EXTL3: variants seen among roughly 807,000 people sequenced by gnomAD.
EXTL3 encodes exostosin-like 3.
A neutral mutation model predicts 69.3 loss-of-function variants in EXTL3; 27 were observed. That is an observed-to-expected ratio of 0.39 (90% CI 0.29 to 0.54). The LOEUF is 0.54. Ranked by LOEUF, EXTL3 falls within the 20% of genes least tolerant of loss-of-function variation. EXTL3 has a pLI of 0.69. For missense variants in EXTL3, 1,003 were observed against 1,231.8 expected (o/e 0.81, Z 2.78); for synonymous variants, 511 against 499.4 (o/e 1.02, Z -0.31).
chr8:28,674,660 G>A (rs1387265223), intron 1 of EXTL3, among the ~76,000 whole-genome samples: 1 of 152,230 alleles, frequency 6.6e-6, no homozygotes, highest in Non-Finnish European at 1.5e-5. Context: ...TGCAGTTAAA[G>A]TGAGAGCATT....
chr8:28,688,775 A>G (rs1800566873), intron 1 of EXTL3, among the ~76,000 whole-genome samples: 1 of 152,244 alleles, frequency 6.6e-6, no homozygotes. Flanking sequence ...TATGTAGCAA[A>G]GAGAATAACT....
rs1325720588 is a variant in EXTL3 at position 28,636,749 on chromosome 8, G to A, written c.-53+13939G>A. Among the ~76,000 whole-genome samples the A allele has an allele frequency of 2.6e-5, 4 of 152,120 alleles. No individual in the cohort carries two copies. In the East Asian group the frequency reaches 5.8e-4, roughly 22 times the overall value. ...AGCAGGTTGGCGCGTGGTGGCTTAC[G>A]CCTGTAACCCCAGCACTTTGGGAGG... is the stretch of plus-strand genomic sequence containing the variant. On this transcript the variant is annotated intron_variant, in intron 1 of 6. Coordinates refer to the EXTL3 transcript ENST00000523149.
intron 1 of EXTL3, among the ~76,000 whole-genome samples, chr8:28,694,342 T>C (rs1368475316): frequency 6.6e-6 from 1 of 152,234 alleles, no homozygotes; most frequent in Admixed American, 6.5e-5. Flanking sequence ...ATAATTCCCT[T>C]GTGAAAGAAA....
rs562535571 is a variant in EXTL3, at chr8:28,612,471, AAAAAAAG to A, written n.314+4727_314+4733del. Among the ~76,000 whole-genome samples, 660 of 151,884 alleles carry A rather than the reference AAAAAAAG, an allele frequency of 4.3e-3. 4 individuals carry two copies. Among genetic ancestry groups the A allele is most frequent in the African/African-American group, 9.1e-3 (379 of 41,466 alleles). On this transcript the variant is annotated intron_variant and non_coding_transcript_variant, in intron 2 of 4. Transcript: ENST00000522725. ...AGCGAGACTCCATCTCTTAAAAAAA[AAAAAAAG>A]AAAAAAGAAAAAAAGAAAAATAAAA...
At chr8:28,640,982 C>A (rs1007431791) in intron 1 of EXTL3, among the ~76,000 whole-genome samples, 5 of 152,106 alleles carry the variant, frequency 3.3e-5, no homozygotes, top group African/African-American at 1.2e-4. Context: ...CTTATAGCCT[C>A]ACGTTTTACT....
chr8:28,666,839 C>T (rs924973522), intron 1 of EXTL3, among the ~76,000 whole-genome samples: 23 of 152,038 alleles, frequency 1.5e-4, no homozygotes, highest in Non-Finnish European at 2.2e-4. Context: ...CCTCTCAGAG[C>T]GCTGGGATTA....
upstream of EXTL3, among the ~76,000 whole-genome samples, chr8:28,621,273 C>G (rs2130542256): frequency 6.6e-6 from 1 of 152,236 alleles, no homozygotes; most frequent in East Asian, 1.9e-4. Context: ...GGCCCCAAAT[C>G]TAATATGACT....
At chr8:28,611,790 T>C (rs1255143982) in intron 2 of EXTL3, among the ~76,000 whole-genome samples, 1 of 152,180 alleles carries the variant, frequency 6.6e-6, no homozygotes, top group Non-Finnish European at 1.5e-5. Context: ...TTCTAAATCA[T>C]TGTGCTTTGA....
At chr8:28,616,803 G>T (rs1375893611) in intron 2 of EXTL3, among the ~76,000 whole-genome samples, 1 of 152,194 alleles carries the variant, frequency 6.6e-6, no homozygotes, top group Admixed American at 6.5e-5. Flanking sequence ...GAAACAGCTG[G>T]TGACACAGCA....
intron 1 of EXTL3, among the ~76,000 whole-genome samples, chr8:28,705,107 AAGG>A (rs1379142194): frequency 1.3e-5 from 2 of 152,184 alleles, no homozygotes. Context: ...GTGAAACGAG[AAGG>A]AGGTCTTGGG....
chr8:28,618,169 T>TA (rs1378787304), upstream of EXTL3, among the ~76,000 whole-genome samples: 1 of 151,806 alleles, frequency 6.6e-6, no homozygotes, highest in Non-Finnish European at 1.5e-5. Context: ...TTTACCATAA[T>TA]AAAAAAGACA....
intron 1 of EXTL3, among the ~76,000 whole-genome samples, chr8:28,655,573 T>A (rs764324131): frequency 6.6e-6 from 1 of 151,424 alleles, no homozygotes; most frequent in Non-Finnish European, 1.5e-5. Context: ...TCACTGCATC[T>A]TTGACCTCCC....
intron 5 of EXTL3, chr8:28,741,434 A>ATTTAT (rs1801777913): frequency 6.6e-6 from 1 of 152,036 alleles, no homozygotes; most frequent in Non-Finnish European, 1.5e-5. Context: ...TAAAAAGTGT[A>ATTTAT]TTTATTTTAT....
At position 28,717,577 on chromosome 8, in the gene EXTL3, G is replaced by A. The variant is rs943257939; in HGVS notation, c.1518G>A (p.Leu506=). 2.5e-6 allele frequency: 4 copies of A among 1,614,262 alleles called. No individual in the cohort carries two copies. Among genetic ancestry groups the A allele is most frequent in the Non-Finnish European group, 3.4e-6 (4 of 1,180,046 alleles). Reference sequence around the variant, plus strand: ...GAAGCCTCTCCGATAGTGACCTCCTGGCTATGAGGCGGCAAGGCCGCTTTC... The same window carrying A: ...GAAGCCTCTCCGATAGTGACCTCCTAGCTATGAGGCGGCAAGGCCGCTTTC... ...LLRSLSDSDL[L]AMRRQGRFLW... The change falls in exon 3 of 7, where the codon CTG becomes CTA. Residue 506 remains leucine (L), a synonymous_variant. Coordinates refer to ENST00000220562, the MANE Select transcript of EXTL3 (RefSeq NM_001440.4). The surrounding 1 kb of genome is among the most constrained non-coding windows in gnomAD (Gnocchi z 8.3).
upstream of EXTL3, among the ~76,000 whole-genome samples, chr8:28,621,362 G>A (rs1421977170): frequency 1.3e-5 from 2 of 152,180 alleles, no homozygotes; most frequent in African/African-American, 4.8e-5. Flanking sequence ...CTACAACCCA[G>A]GAGAGAGGCC....
At chr8:28,702,942 A>G (rs1441460491) in intron 1 of EXTL3, among the ~76,000 whole-genome samples, 1 of 152,216 alleles carries the variant, frequency 6.6e-6, no homozygotes, top group Non-Finnish European at 1.5e-5. Flanking sequence ...GTGCTGGGAT[A>G]GTAACTGCGG....
intron 1 of EXTL3, among the ~76,000 whole-genome samples, chr8:28,679,679 T>C (rs964911461): frequency 1.3e-5 from 2 of 149,614 alleles, no homozygotes; most frequent in Non-Finnish European, 2.9e-5. Context: ...GCTATGATCA[T>C]GCCACTGCAT....
intron 1 of EXTL3, among the ~76,000 whole-genome samples, chr8:28,669,063 C>T (rs1334645274): frequency 6.6e-6 from 1 of 151,914 alleles, no homozygotes. Flanking sequence ...AGGGTTTCAC[C>T]ATGTTGGCCA....
At chr8:28,703,305 G>A (rs1271873983) in intron 1 of EXTL3, among the ~76,000 whole-genome samples, 1 of 152,134 alleles carries the variant, frequency 6.6e-6, no homozygotes, top group East Asian at 1.9e-4. Flanking sequence ...CTTTTCTAGT[G>A]GGGGAAAACC....
Sources: allele counts gnomAD v4.1 joint callset (sites outside exome capture counted in the v4.1 genomes callset), GRCh38; gene constraint gnomAD v4.1.1; non-coding constraint Gnocchi (gnomAD v3.1); transcripts MANE v1.5; gene names NCBI Gene and HGNC (gene_info 2026-07-23, HGNC 2026-07-21).